VDAC1: variants seen among roughly 807,000 people sequenced by gnomAD.
VDAC1 encodes the protein voltage dependent anion channel 1.
Under a neutral mutation model 34.7 loss-of-function variants are expected in VDAC1, and 10 were observed. The observed-to-expected ratio is 0.29, with a 90% CI of 0.18 to 0.49. The LOEUF is 0.49. Ranked by LOEUF, VDAC1 falls within the 20% of genes least tolerant of loss-of-function variation. VDAC1 has a pLI of 0.99. For missense variants in VDAC1, 230 were observed against 347.9 expected (o/e 0.66, Z 2.69); for synonymous variants, 130 against 136.0 (o/e 0.96, Z 0.30).
the VDAC1 span, among the ~76,000 whole-genome samples, chr5:134,054,404 AGTCT>A: frequency 6.7e-6 from 1 of 150,306 alleles, no homozygotes; most frequent in Non-Finnish European, 1.5e-5. Flanking sequence ...AACTGACCAT[AGTCT>A]GTCTTTCTTT....
At chr5:134,055,599 T>TTTTTGTTTTTG in the VDAC1 span, among the ~76,000 whole-genome samples, 2 of 134,830 alleles carry the variant, frequency 1.5e-5, no homozygotes, top group African/African-American at 5.9e-5. Context: ...TTTTTTTTTT[T>TTTTTGTTTTTG]TTTTTTTTTT....
intron 5 of VDAC1, among the ~76,000 whole-genome samples, chr5:133,984,159 G>A (rs1752813929): frequency 6.6e-6 from 1 of 152,070 alleles, no homozygotes; most frequent in Non-Finnish European, 1.5e-5. Flanking sequence ...GAGCTCAGGT[G>A]ATCCTCCCAC....
At chr5:134,057,025 T>C in the VDAC1 span, among the ~76,000 whole-genome samples, 1 of 152,320 alleles carries the variant, frequency 6.6e-6, no homozygotes, top group East Asian at 1.9e-4. Flanking sequence ...AGAAGTTTAC[T>C]GCTGAGTCTA....
At chr5:134,031,864 T>TC in the VDAC1 span, among the ~76,000 whole-genome samples, 2 of 149,008 alleles carry the variant, frequency 1.3e-5, no homozygotes, top group East Asian at 3.9e-4. Flanking sequence ...GGCAGGAGAA[T>TC]CGCTTGAACC....
chr5:134,107,382 G>A, the VDAC1 span, among the ~76,000 whole-genome samples: 27 of 152,196 alleles, frequency 1.8e-4, no homozygotes, highest in Non-Finnish European at 2.9e-5. Flanking sequence ...ACTGCTAGAC[G>A]TGCTTCCTCA....
At chr5:134,057,184 A>C in the VDAC1 span, among the ~76,000 whole-genome samples, 1 of 151,842 alleles carries the variant, frequency 6.6e-6, no homozygotes, top group Non-Finnish European at 1.5e-5. Flanking sequence ...AAAATATAAA[A>C]TTAGCCAAGT....
chr5:133,992,869 A>C, intron 2 of VDAC1, 77 bp downstream of exon 2: 2 of 1,442,282 alleles, frequency 1.4e-6, no homozygotes, highest in Non-Finnish European at 1.9e-6. Flanking sequence ...CAGGTCTCCT[A>C]AACAGTTATC....
chr5:134,042,145 G>A, the VDAC1 span, among the ~76,000 whole-genome samples: 7 of 152,190 alleles, frequency 4.6e-5, no homozygotes, highest in South Asian at 2.1e-4. Flanking sequence ...TGGGAAGGTC[G>A]GAAGCAGGGC....
chr5:133,980,706 C>CCCCCG, intron 6 of VDAC1, 23 bp downstream of exon 6: 1 of 1,203,060 alleles, frequency 8.3e-7, no homozygotes, highest in Non-Finnish European at 1.2e-6. Context: ...CCCTCCCACC[C>CCCCCG]TGCTGCCCCC....
At chr5:134,072,879 C>T in the VDAC1 span, among the ~76,000 whole-genome samples, 1 of 152,148 alleles carries the variant, frequency 6.6e-6, no homozygotes, top group East Asian at 1.9e-4. Flanking sequence ...TGTGGTCTCC[C>T]GTTGTTTCTG....
the VDAC1 span, among the ~76,000 whole-genome samples, chr5:134,090,742 A>C: frequency 7.2e-5 from 11 of 152,238 alleles, no homozygotes; most frequent in Non-Finnish European, 1.6e-4. Flanking sequence ...GCTTCTAAAA[A>C]TATGGTGTTT....
the VDAC1 span, among the ~76,000 whole-genome samples, chr5:134,039,924 C>T: frequency 3.9e-5 from 6 of 152,288 alleles, no homozygotes; most frequent in Non-Finnish European, 8.8e-5. Flanking sequence ...CAGTCTGGAA[C>T]GCAGACACAG....
the VDAC1 span, among the ~76,000 whole-genome samples, chr5:134,074,510 C>A: frequency 8.6e-5 from 13 of 151,946 alleles, no homozygotes; most frequent in South Asian, 1.5e-3. Flanking sequence ...CGAGATCACC[C>A]CGAGAAGAGG....
chr5:134,001,282 G>A (rs1753541023), intron 1 of VDAC1, among the ~76,000 whole-genome samples: 1 of 152,190 alleles, frequency 6.6e-6, no homozygotes, highest in Non-Finnish European at 1.5e-5. Context: ...CTGCTGACCT[G>A]TGAAATGGAA....
chr5:134,054,458 CT>C, the VDAC1 span, among the ~76,000 whole-genome samples: 6,440 of 123,376 alleles, frequency 0.052, 146 homozygotes, highest in African/African-American at 0.12. Flanking sequence ...TCCTTCCTTC[CT>C]TTTTTTTTTT....
chr5:134,092,727 G>C, the VDAC1 span, among the ~76,000 whole-genome samples: 403 of 151,512 alleles, frequency 2.7e-3, 4 homozygotes, highest in African/African-American at 9.4e-3. Context: ...CTCTGACACT[G>C]ATTCTGGAAC....
intron 1 of VDAC1, among the ~76,000 whole-genome samples, chr5:134,000,498 C>T (rs1753506004): frequency 6.6e-6 from 1 of 152,172 alleles, no homozygotes; most frequent in African/African-American, 2.4e-5. Context: ...ATACCTGGGG[C>T]TCCTACCTGA....
the VDAC1 span, among the ~76,000 whole-genome samples, chr5:134,076,768 C>T: frequency 0.28 from 42,050 of 151,924 alleles, 6,267 homozygotes; most frequent in East Asian, 0.49. Context: ...CTCCAGAGGC[C>T]TTAGGTACAG....
the VDAC1 span, among the ~76,000 whole-genome samples, chr5:134,040,526 G>A: frequency 0.032 from 4,902 of 151,370 alleles, 127 homozygotes; most frequent in South Asian, 0.082. Flanking sequence ...AGTGAGCCGA[G>A]ACCACGCCAT....
Sources: allele counts gnomAD v4.1 joint callset (sites outside exome capture counted in the v4.1 genomes callset), GRCh38; gene constraint gnomAD v4.1.1; transcripts MANE v1.5; gene names NCBI Gene and HGNC (gene_info 2026-07-23, HGNC 2026-07-21).